TSG101: variants seen among roughly 807,000 people sequenced by gnomAD.
TSG101 encodes the protein tumor susceptibility 101.
Under a neutral mutation model 48.5 loss-of-function variants are expected in TSG101, and 19 were observed. The ratio of observed to expected loss-of-function variants is 0.39; its 90% CI spans 0.27 to 0.58. TSG101 has a LOEUF of 0.58. Among genes scored for constraint, TSG101 ranks in the 20% least tolerant of loss-of-function variants. The probability of loss-of-function intolerance (pLI) is 0.55; values close to 1 mark genes in which losing one functional copy is unlikely to be tolerated. For missense variants in TSG101, 365 were observed against 484.4 expected (o/e 0.75, Z 2.31); for synonymous variants, 174 against 169.4 (o/e 1.03, Z -0.21).
intron 7 of TSG101, among the ~76,000 whole-genome samples, chr11:18,492,003 G>A (rs1401423689): frequency 2.6e-5 from 4 of 152,108 alleles, no homozygotes; most frequent in Non-Finnish European, 5.9e-5. Flanking sequence ...TTCTTATACT[G>A]TACTTAAAAA....
chr11:18,494,713 G>A (rs927671597), intron 7 of TSG101, among the ~76,000 whole-genome samples: 18 of 152,180 alleles, frequency 1.2e-4, no homozygotes, highest in Admixed American at 1.2e-3. Flanking sequence ...AAGGTGTGGG[G>A]AAGAGGCACC....
intron 1 of TSG101, among the ~76,000 whole-genome samples, chr11:18,520,928 G>C (rs1844702950): frequency 6.6e-6 from 1 of 152,062 alleles, no homozygotes; most frequent in Non-Finnish European, 1.5e-5. Flanking sequence ...CTACTCAGGA[G>C]GCTGAGGCAG....
rs1849538782 is a variant in TSG101 at position 18,481,465 on chromosome 11, G to A, written c.1083+165C>T. On this transcript the variant is annotated intron_variant, in intron 9 of 9. Transcript: ENST00000251968. ...TGCTCAGACCAATCCTCAGTACTCT[G>A]TAGGTAAAAAGATGGTGCAAAACCC... 4.2e-6 allele frequency: 6 copies of A among 1,421,178 alleles called. No individual in the cohort carries two copies. In the South Asian group the frequency reaches 9.2e-5, roughly 22 times the overall value. 88.0% of individuals were successfully genotyped at this position (1,421,178 alleles called of 1,614,324 possible).
chr11:18,494,478 TACAC>T (rs560723842), intron 7 of TSG101, among the ~76,000 whole-genome samples: 5 of 152,238 alleles, frequency 3.3e-5, no homozygotes, highest in Non-Finnish European at 7.3e-5. Flanking sequence ...TTTGTTAACT[TACAC>T]AATAGCTTTT....
Position 18,516,802 on chromosome 11 carries a change from G to A in TSG101, c.128-638C>T, listed in dbSNP as rs140091544. ...ACTAAAAATACAAAATTAGCTGGGC[G>A]TGGTGGCACATGCCTGTAATCCCAG... On this transcript the variant is annotated intron_variant, in intron 2 of 9. Transcript: ENST00000251968. Among the ~76,000 whole-genome samples the A allele has an allele frequency of 8.9e-3, 1,351 of 151,694 alleles. 8 individuals carry two copies. The highest frequency in any genetic ancestry group is 0.031 in the South Asian group (148 of 4,790).
intron 7 of TSG101, among the ~76,000 whole-genome samples, chr11:18,492,774 A>AG (rs1210436357): frequency 2.0e-5 from 3 of 152,066 alleles, no homozygotes; most frequent in Non-Finnish European, 4.4e-5. Context: ...GTAAAAAAAA[A>AG]AAAAGGAATT....
At position 18,481,877 on chromosome 11, in the gene TSG101, CAG is replaced by C; in HGVS notation, c.844-10_844-9del. The C allele has an allele frequency of 9.9e-6, 16 of 1,611,794 alleles. No individual in the cohort carries two copies. The highest frequency in any genetic ancestry group is 2.2e-5 in the East Asian group (1 of 44,874). Reference sequence around the variant, plus strand: ...GTTTTTATCAACCTCGGCCTGAAAACAGAACAGTCCAAGCATTAATAACTGTA... The same window carrying C: ...GTTTTTATCAACCTCGGCCTGAAAACAACAGTCCAAGCATTAATAACTGTA... On this transcript the variant is annotated splice_polypyrimidine_tract_variant and intron_variant, in intron 8 of 9. Coordinates refer to ENST00000251968, the MANE Select transcript of TSG101 (RefSeq NM_006292.4).
intron 7 of TSG101, among the ~76,000 whole-genome samples, chr11:18,495,277 T>C (rs1849756838): frequency 6.6e-6 from 1 of 152,258 alleles, no homozygotes; most frequent in African/African-American, 2.4e-5. Flanking sequence ...TCTTCAATTT[T>C]ACTATTATTA....
chr11:18,502,555 G>A lies in TSG101; in HGVS notation c.571C>T (p.Pro191Ser). Residue 191 changes from proline (P) to serine (S), a missense_variant, in exon 7 of 10, where the codon CCA (proline) becomes TCA (serine). Coordinates refer to ENST00000251968, the MANE Select transcript of TSG101 (RefSeq NM_006292.4). ...NPSGYPGCPY[P>S]PGGPYPATTS... Reference sequence around the variant, plus strand: ...GTGGCAGGATATGGACCACCAGGTGGGTAAGGACAGCCTGGGTAACCACTA... The same window carrying A: ...GTGGCAGGATATGGACCACCAGGTGAGTAAGGACAGCCTGGGTAACCACTA... 6.2e-7 allele frequency: 1 copy of A among 1,612,470 alleles called. No homozygotes were observed. The highest frequency in any genetic ancestry group is 8.5e-7 in the Non-Finnish European group (1 of 1,179,244).
At chr11:18,490,271 G>T in intron 7 of TSG101, 2 of 545,398 alleles carry the variant, frequency 3.7e-6, no homozygotes, top group Non-Finnish European at 7.2e-6. Flanking sequence ...TCATCTTCCT[G>T]GTTTTCCGAT....
chr11:18,520,999 C>T (rs567214131), intron 1 of TSG101, among the ~76,000 whole-genome samples: 7 of 151,634 alleles, frequency 4.6e-5, no homozygotes, highest in African/African-American at 1.7e-4. Context: ...CCCTTGCACT[C>T]CAGCCTGGGT....
chr11:18,516,073 T>C, intron 3 of TSG101, 26 bp downstream of exon 3: 1 of 1,604,132 alleles, frequency 6.2e-7, no homozygotes, highest in Non-Finnish European at 8.5e-7. Context: ...AATGCATCTA[T>C]GCTGGAAACC....
At chr11:18,522,491 C>T (rs544390409) in intron 1 of TSG101, among the ~76,000 whole-genome samples, 1 of 152,176 alleles carries the variant, frequency 6.6e-6, no homozygotes, top group African/African-American at 2.4e-5. Context: ...AAAATACATC[C>T]GGAATCTCCA....
At position 18,514,723 on chromosome 11, in the gene TSG101, A is replaced by G. The variant is rs777445106; in HGVS notation, c.312T>C (p.Asp104=). 2 of 1,590,886 alleles carry G rather than the reference A, an allele frequency of 1.3e-6. No individual in the cohort carries two copies. Among genetic ancestry groups the G allele is most frequent in the South Asian group, 1.2e-5 (1 of 86,086 alleles). Reference sequence around the variant, plus strand: ...AAGGAAGATATATCTTCCCATTTGCATCAACATGCTTTCCTGTTTTAATAG... The same window carrying G: ...AAGGAAGATATATCTTCCCATTTGCGTCAACATGCTTTCCTGTTTTAATAG... ...SMTIKTGKHV[D]ANGKIYLPYL... The change falls in exon 4 of 10, where the codon GAT becomes GAC. Residue 104 remains aspartate, a synonymous_variant. Coordinates refer to ENST00000251968, the MANE Select transcript of TSG101 (RefSeq NM_006292.4).
At chr11:18,509,075 AAGAG>A (rs1197838395) in intron 5 of TSG101, among the ~76,000 whole-genome samples, 1 of 152,218 alleles carries the variant, frequency 6.6e-6, no homozygotes, top group Admixed American at 6.5e-5. Context: ...GGCTGTACGA[AAGAG>A]AAGAAAGCTA....
chr11:18,504,312 T>C (rs1210133526), intron 6 of TSG101, among the ~76,000 whole-genome samples: 2 of 152,166 alleles, frequency 1.3e-5, no homozygotes, highest in African/African-American at 4.8e-5. Flanking sequence ...CTCCTATTTG[T>C]ATTATCAGCT....
chr11:18,485,688 C>T (rs1051027185), intron 7 of TSG101, among the ~76,000 whole-genome samples: 2 of 152,178 alleles, frequency 1.3e-5, no homozygotes, highest in Non-Finnish European at 2.9e-5. Context: ...AATATCTCTA[C>T]CTGAAAATCA....
intron 1 of TSG101, among the ~76,000 whole-genome samples, chr11:18,525,337 G>A (rs1486494278): frequency 2.0e-5 from 3 of 151,900 alleles, no homozygotes; most frequent in Admixed American, 6.6e-5. Flanking sequence ...CTGAGGTCTG[G>A]AGTTTAAGAC....
chr11:18,501,074 C>G (rs1849879078), intron 7 of TSG101, among the ~76,000 whole-genome samples: 1 of 152,170 alleles, frequency 6.6e-6, no homozygotes, highest in African/African-American at 2.4e-5. Context: ...TCCCAAAGTG[C>G]TGGGATTACA....
Sources: gnomAD v4.1 joint callset for allele counts (sites outside exome capture counted in the v4.1 genomes callset) on GRCh38, gnomAD v4.1.1 for gene constraint, MANE v1.5 for transcripts, NCBI Gene and HGNC (gene_info 2026-07-23, HGNC 2026-07-21) for gene names.